RAPH1: variants seen among roughly 807,000 people sequenced by gnomAD.
RAPH1 encodes ras-associated and pleckstrin homology domains-containing protein 1.
In RAPH1, 18 loss-of-function variants were observed where a neutral mutation model predicts 88.1. The ratio of observed to expected loss-of-function variants is 0.20; its 90% CI spans 0.14 to 0.30. RAPH1 has a LOEUF of 0.30. RAPH1 is among the 10% of genes least tolerant of loss of function. The pLI is 1.00. For synonymous variants in RAPH1, 587 were observed against 559.0 expected (o/e 1.05, Z -0.71); for missense variants, 1,448 against 1,543.2 (o/e 0.94, Z 1.03).
Position 203,441,263 on chromosome 2 carries a change from G to C in RAPH1, c.1927C>G (p.Pro643Ala), listed in dbSNP as rs1247271293. Residue 643 changes from proline to alanine, a missense_variant, in exon 14 of 14, where the codon CCA (proline) becomes GCA (alanine). Pro to Ala is a conservative substitution (Grantham distance 27). This residue lies in a region of RAPH1 where 935 missense variants were observed against 890.1 expected (regional missense o/e 1.05). Coordinates refer to ENST00000319170, the MANE Select transcript of RAPH1 (RefSeq NM_213589.3). Reference sequence around the variant, plus strand: ...CTGGGGAGTGGGGGAGGAGGGGGTGGTGGAGGGGGTGGTGGAGGAGGAGGT... The same window carrying C: ...CTGGGGAGTGGGGGAGGAGGGGGTGCTGGAGGGGGTGGTGGAGGAGGAGGT... ...PPPPPPPPPPPPPPPPLPSQS... is the reference protein window; with the variant it reads ...PPPPPPPPPPAPPPPPLPSQS... 2 of 1,325,672 alleles carry C rather than the reference G, an allele frequency of 1.5e-6. No homozygotes were observed. Among genetic ancestry groups the C allele is most frequent in the Non-Finnish European group, 2.0e-6 (2 of 983,824 alleles). The allele number at this position is 1,325,672 out of a possible 1,614,324, so 82.1% of individuals were successfully genotyped here. A position where few individuals can be genotyped will look rare whatever the true frequency, so the allele number is the denominator to read the frequency against.
At position 203,434,831 on chromosome 2, in the gene RAPH1, A is replaced by G. The variant is rs984594606; in HGVS notation, c.*4606T>C. 3 of 152,474 alleles carry G rather than the reference A, an allele frequency of 2.0e-5. No individual in the cohort carries two copies. The highest frequency in any genetic ancestry group is 4.4e-5 in the Non-Finnish European group (3 of 67,990). 9.4% of individuals were successfully genotyped at this position (152,474 alleles called of 1,614,324 possible). ...TAGTGTTCACCATCACCCTGACTCA[A>G]TTCACTTCTCTAAATGTCTTTGGTA... On this transcript the variant is annotated 3_prime_UTR_variant, in exon 14 of 14. Coordinates refer to ENST00000319170, the MANE Select transcript of RAPH1 (RefSeq NM_213589.3).
At chr2:203,523,645 T>C (rs1195140444) in intron 1 of RAPH1, among the ~76,000 whole-genome samples, 8 of 151,948 alleles carry the variant, frequency 5.3e-5, no homozygotes, top group Non-Finnish European at 7.4e-5. Flanking sequence ...ACACTAACCA[T>C]AAAAGGAAAA....
At chr2:203,461,566 A>AT (rs2098524269) in intron 5 of RAPH1, among the ~76,000 whole-genome samples, 158 bp from the exon 6 acceptor site, 1 of 152,092 alleles carries the variant, frequency 6.6e-6, no homozygotes, top group Non-Finnish European at 1.5e-5. Context: ...TAAAAATCAG[A>AT]CATCAAATAA....
At chr2:203,442,158 G>A in intron 13 of RAPH1, 1 of 1,411,524 alleles carries the variant, frequency 7.1e-7, no homozygotes, top group Non-Finnish European at 9.5e-7. Context: ...AAAGCCAGAA[G>A]AAATTAAGAG....
intron 4 of RAPH1, among the ~76,000 whole-genome samples, chr2:203,468,718 T>C (rs530464217): frequency 6.6e-6 from 1 of 152,310 alleles, no homozygotes; most frequent in South Asian, 2.1e-4. Context: ...TATTGTTGAA[T>C]TGGCAATGAA....
At chr2:203,458,884 T>C (rs1039740658) in intron 7 of RAPH1, among the ~76,000 whole-genome samples, 5 of 152,050 alleles carry the variant, frequency 3.3e-5, no homozygotes, top group African/African-American at 4.8e-5. Flanking sequence ...TGCCTCAGCC[T>C]CCCAAGTAGC....
rs1375074607 is a variant in RAPH1 at position 203,461,253 on chromosome 2, T to C, written c.966A>G (p.Gln322=). The change falls in exon 6 of 14, where the codon CAA becomes CAG. Residue 322 remains glutamine, a synonymous_variant. Coordinates refer to ENST00000319170, the MANE Select transcript of RAPH1 (RefSeq NM_213589.3). ...WSLVETVSEL[Q]MERIFEDHEN... Reference sequence around the variant, plus strand: ...TAAAGCAATGATATTACTAACCCATTTGTAATTCAGAAACGGTTTCTACCA... The same window carrying C: ...TAAAGCAATGATATTACTAACCCATCTGTAATTCAGAAACGGTTTCTACCA... 1.9e-6 allele frequency: 3 copies of C among 1,576,722 alleles called. No individual in the cohort carries two copies. The highest frequency in any genetic ancestry group is 3.6e-5 in the Admixed American group (2 of 56,052).
intron 1 of RAPH1, among the ~76,000 whole-genome samples, chr2:203,510,807 G>A (rs1200881591): frequency 6.6e-6 from 1 of 152,082 alleles, no homozygotes; most frequent in Admixed American, 6.5e-5. Flanking sequence ...CTTTAAAAGA[G>A]TAAATGTTTG....
chr2:203,499,349 G>A (rs781295992), intron 1 of RAPH1, among the ~76,000 whole-genome samples: 1 of 151,704 alleles, frequency 6.6e-6, no homozygotes, highest in Non-Finnish European at 1.5e-5. Flanking sequence ...TCTATTGAAC[G>A]TTAACTACTT....
Position 203,440,157 on chromosome 2 carries a change from C to T in RAPH1, c.3033G>A (p.Gly1011=), listed in dbSNP as rs774202922. 9 of 1,613,492 alleles carry T rather than the reference C, an allele frequency of 5.6e-6. No individual in the cohort carries two copies. Among genetic ancestry groups the T allele is most frequent in the African/African-American group, 1.3e-5 (1 of 74,948 alleles). The change falls in exon 14 of 14, where the codon GGG becomes GGA. Residue 1011 remains glycine, a synonymous_variant. Transcript: ENST00000319170. ...VSKFTPPAES[G]SPSKETLPPP... is the part of the protein sequence containing the mutation. ...GTGGTAGGGTCTCCTTGCTGGGAGACCCTGATTCTGCTGGCGGTGTAAACT... is the reference window on the plus strand; with the variant it reads ...GTGGTAGGGTCTCCTTGCTGGGAGATCCTGATTCTGCTGGCGGTGTAAACT...
In RAPH1 at chr2:203,439,463, T is replaced by C; in HGVS notation, c.3727A>G (p.Asn1243Asp). ...PPPAPPKRDQ[N>D]TKLSRDW Reference sequence around the variant, plus strand: ...TACCAGTCTCTGGAGAGCTTGGTGTTCTGGTCTCTTTTGGGGGGAGCAGGA... The same window carrying C: ...TACCAGTCTCTGGAGAGCTTGGTGTCCTGGTCTCTTTTGGGGGGAGCAGGA... The change falls in exon 14 of 14, where the codon AAC becomes GAC. Residue 1243 changes from asparagine to aspartate, a missense_variant. By Grantham distance (23) the Asn-to-Asp change is conservative. Coordinates refer to ENST00000319170, the MANE Select transcript of RAPH1 (RefSeq NM_213589.3). The C allele has an allele frequency of 6.2e-7, 1 of 1,613,920 alleles. No individual in the cohort carries two copies. The highest frequency in any genetic ancestry group is 1.6e-4 in the Middle Eastern group (1 of 6,062).
intron 4 of RAPH1, among the ~76,000 whole-genome samples, chr2:203,465,123 A>G (rs2098527475): frequency 6.6e-6 from 1 of 152,230 alleles, no homozygotes; most frequent in Non-Finnish European, 1.5e-5. Flanking sequence ...ATACAATTCA[A>G]TTCAGCAATT....
intron 1 of RAPH1, among the ~76,000 whole-genome samples, chr2:203,524,766 G>C (rs1489315001): frequency 1.3e-5 from 2 of 152,120 alleles, no homozygotes; most frequent in Admixed American, 1.3e-4. Context: ...GGAGATGATG[G>C]AAATGTTCAG....
intron 4 of RAPH1, among the ~76,000 whole-genome samples, chr2:203,484,036 G>A (rs1197752346): frequency 6.6e-6 from 1 of 152,126 alleles, no homozygotes; most frequent in Non-Finnish European, 1.5e-5. Flanking sequence ...TCATAATGGT[G>A]TGGGCTAATT....
chr2:203,475,740 C>T (rs1281185707), intron 4 of RAPH1, among the ~76,000 whole-genome samples: 2 of 145,696 alleles, frequency 1.4e-5, no homozygotes, highest in African/African-American at 5.2e-5. Context: ...TTTTCCTACA[C>T]TTCTTGTATA....
At chr2:203,481,539 T>G (rs1286552674) in intron 4 of RAPH1, among the ~76,000 whole-genome samples, 4 of 149,596 alleles carry the variant, frequency 2.7e-5, no homozygotes, top group Non-Finnish European at 5.9e-5. Flanking sequence ...TCTTTTTGTT[T>G]TATAGCCCCT....
chr2:203,481,910 A>G (rs1166902563), intron 4 of RAPH1, among the ~76,000 whole-genome samples: 1 of 151,376 alleles, frequency 6.6e-6, no homozygotes, highest in Non-Finnish European at 1.5e-5. Context: ...CCACATGAAT[A>G]TATTTCTATT....
At chr2:203,505,462 C>A (rs1047092469) in intron 1 of RAPH1, among the ~76,000 whole-genome samples, 1 of 151,992 alleles carries the variant, frequency 6.6e-6, no homozygotes, top group African/African-American at 2.4e-5. Context: ...GTCCCTCCCA[C>A]AACACAGAGG....
At chr2:203,484,945 C>A (rs1278010956) in intron 4 of RAPH1, among the ~76,000 whole-genome samples, 1 of 152,152 alleles carries the variant, frequency 6.6e-6, no homozygotes, top group African/African-American at 2.4e-5. Flanking sequence ...CCTTTTTGGG[C>A]CCATAAATAG....
Sources: allele counts gnomAD v4.1 joint callset (sites outside exome capture counted in the v4.1 genomes callset), GRCh38; gene constraint gnomAD v4.1.1; regional missense constraint gnomAD v4.1.1; transcripts MANE v1.5; gene names NCBI Gene and HGNC (gene_info 2026-07-23, HGNC 2026-07-21).